ATP2B2: variants seen among roughly 807,000 people sequenced by gnomAD.
The protein encoded by ATP2B2 is ATPase plasma membrane Ca2+ transporting 2.
ATP2B2 carries 15 observed loss-of-function variants against 120.0 expected under a neutral mutation model. That is an observed-to-expected ratio of 0.12 (90% confidence interval 0.08 to 0.19). The LOEUF (loss-of-function observed/expected upper bound fraction) is 0.19, where lower values mean the gene tolerates loss of function less well. Ranked by LOEUF, ATP2B2 falls within the 10% of genes least tolerant of loss-of-function variation. ATP2B2 has a pLI of 1.00. For synonymous variants in ATP2B2, 694 were observed against 700.3 expected, an observed-to-expected ratio of 0.99 and a Z score of 0.14; for missense variants, 1,045 against 1,719.8, an observed-to-expected ratio of 0.61 and a Z score of 6.94.
intron 22 of ATP2B2, among the ~76,000 whole-genome samples, chr3:10,334,014 G>A (rs760470725): frequency 2.6e-5 from 4 of 152,218 alleles, no homozygotes; most frequent in African/African-American, 7.2e-5. Context: ...GTTCCCGGAC[G>A]GGCCCTATTG....
intron 16 of ATP2B2, among the ~76,000 whole-genome samples, chr3:10,348,429 C>G (rs2060487132): frequency 1.3e-5 from 2 of 152,226 alleles, no homozygotes; most frequent in African/African-American, 4.8e-5. Context: ...CTCCCATGTT[C>G]CTGTGCCTGG....
chr3:10,562,457 C>T (rs1244917714), intron 2 of ATP2B2, among the ~76,000 whole-genome samples: 1 of 152,168 alleles, frequency 6.6e-6, no homozygotes. Context: ...TTTTCCCTCA[C>T]TAGTCTATGG....
rs1405755716 is a variant in ATP2B2 at position 10,606,912 on chromosome 3, C to CACACAG, written c.-415+13004_-415+13005insCTGTGT. 5.7e-3 allele frequency among the ~76,000 whole-genome samples: 355 copies of CACACAG among 62,512 alleles called. 2 individuals are homozygous for CACACAG. The highest frequency in any genetic ancestry group is 0.011 in the African/African-American group (228 of 21,024). The allele number at this position is 62,512 out of a possible 152,430, so 41.0% of individuals were successfully genotyped here. On this transcript the variant is annotated intron_variant, in intron 2 of 21. Transcript: ENST00000646379. ...ACACACACACACACACACACACACA[C>CACACAG]AGAGAGAGAGAGAGAGAGAGAGAGA...
chr3:10,593,569 T>G (rs1413287309), intron 2 of ATP2B2, among the ~76,000 whole-genome samples: 1 of 152,140 alleles, frequency 6.6e-6, no homozygotes, highest in East Asian at 1.9e-4. Flanking sequence ...TAATTCAAGA[T>G]GGATTAAAGA....
chr3:10,393,473 C>T (rs1037540280), intron 5 of ATP2B2, among the ~76,000 whole-genome samples: 4 of 152,164 alleles, frequency 2.6e-5, no homozygotes, highest in African/African-American at 9.7e-5. Flanking sequence ...TCAGCCTCAC[C>T]CCATTTCACA....
intron 2 of ATP2B2, among the ~76,000 whole-genome samples, chr3:10,591,171 G>A (rs980139556): frequency 6.6e-6 from 1 of 152,054 alleles, no homozygotes; most frequent in Non-Finnish European, 1.5e-5. Flanking sequence ...ACGTCCCTGA[G>A]GCACTGTAAA....
rs559501578 is a variant in ATP2B2 at position 10,326,015 on chromosome 3, C to T, written c.*2799G>A. 1 of 152,318 alleles carries T rather than the reference C, an allele frequency of 6.6e-6. No individual in the cohort carries two copies. The highest frequency in any genetic ancestry group is 1.9e-4 in the East Asian group (1 of 5,184). The allele number at this position is 152,318 out of a possible 1,614,324, so 9.4% of individuals were successfully genotyped here. Reference sequence around the variant, plus strand: ...AAACCACAAACATTTCAGAACCACACTGCACGAGTCAGAAGAGCCAGCGAT... The same window carrying T: ...AAACCACAAACATTTCAGAACCACATTGCACGAGTCAGAAGAGCCAGCGAT... On this transcript the variant is annotated 3_prime_UTR_variant, in exon 23 of 23. Coordinates refer to ENST00000360273, the MANE Select transcript of ATP2B2 (RefSeq NM_001001331.4).
chr3:10,378,205 G>T (rs765677124), intron 10 of ATP2B2, 47 bp downstream of exon 10: 5 of 1,590,030 alleles, frequency 3.1e-6, no homozygotes, highest in Non-Finnish European at 3.4e-6. Context: ...CTCTGCCTGG[G>T]GTCCCCCTGT....
At chr3:10,564,386 C>T (rs2067966089) in intron 2 of ATP2B2, among the ~76,000 whole-genome samples, 4 of 152,168 alleles carry the variant, frequency 2.6e-5, no homozygotes, top group Admixed American at 2.6e-4. Context: ...CCCTATTCTC[C>T]AGCTAAGTCT....
At chr3:10,504,850 C>T (rs1032962288) in intron 1 of ATP2B2, among the ~76,000 whole-genome samples, 2 of 152,170 alleles carry the variant, frequency 1.3e-5, no homozygotes, top group African/African-American at 2.4e-5. Flanking sequence ...GCCACCCGTT[C>T]CTGCCACCCT....
In ATP2B2 at chr3:10,403,000, C is replaced by G. The variant is rs933404005; in HGVS notation, c.398-652G>C. 6.6e-6 allele frequency among the ~76,000 whole-genome samples: 1 copy of G among 152,076 alleles called. No individual in the cohort carries two copies. Among genetic ancestry groups the G allele is most frequent in the African/African-American group, 2.4e-5 (1 of 41,326 alleles). ...TTTAGGGTCTGAAAAGGCAGTTTGCCGCTGTCCTCTTCTTCTGTTGGAGTC... is the reference window on the plus strand; with the variant it reads ...TTTAGGGTCTGAAAAGGCAGTTTGCGGCTGTCCTCTTCTTCTGTTGGAGTC... On this transcript the variant is annotated intron_variant, in intron 3 of 22. Transcript: ENST00000360273. This position sits in a 1 kb window ranked among gnomAD's most constrained non-coding sequence, Gnocchi z 4.9.
intron 1 of ATP2B2, among the ~76,000 whole-genome samples, chr3:10,703,228 G>A (rs1386507497): frequency 4.6e-5 from 7 of 152,198 alleles, no homozygotes; most frequent in African/African-American, 1.7e-4. Flanking sequence ...CATGGGAAGA[G>A]GGATGGGCTA....
At chr3:10,520,910 C>T (rs2066973036) in intron 3 of ATP2B2, among the ~76,000 whole-genome samples, 1 of 152,170 alleles carries the variant, frequency 6.6e-6, no homozygotes, top group Admixed American at 6.6e-5. Context: ...TATGTCACTG[C>T]AGATAAACTC....
intron 2 of ATP2B2, among the ~76,000 whole-genome samples, chr3:10,435,890 T>C (rs1461164985): frequency 6.6e-6 from 1 of 151,948 alleles, no homozygotes; most frequent in Non-Finnish European, 1.5e-5. Flanking sequence ...AAACTACAGC[T>C]TAAAGAAATT....
chr3:10,532,654 G>T (rs1375030692), intron 3 of ATP2B2, among the ~76,000 whole-genome samples: 1 of 152,208 alleles, frequency 6.6e-6, no homozygotes, highest in African/African-American at 2.4e-5. Context: ...ATAAATATGT[G>T]AGCAATTATG....
rs1161419150 is a variant in ATP2B2 at position 10,610,914 on chromosome 3, G to T, written c.-415+9003C>A. On this transcript the variant is annotated intron_variant, in intron 2 of 21. Transcript: ENST00000646379. ...TGTCAAGCCCAGCAGAGGCTGGAGAGCTTCACTTGGTGACCACACGAGGTT... is the reference window on the plus strand; with the variant it reads ...TGTCAAGCCCAGCAGAGGCTGGAGATCTTCACTTGGTGACCACACGAGGTT... 2.6e-5 allele frequency among the ~76,000 whole-genome samples: 4 copies of T among 152,314 alleles called. No individual in the cohort carries two copies. The East Asian group carries it at 7.7e-4, about 29-fold the overall frequency.
intron 1 of ATP2B2, among the ~76,000 whole-genome samples, chr3:10,645,043 A>G (rs974921721): frequency 6.6e-6 from 1 of 152,168 alleles, no homozygotes; most frequent in African/African-American, 2.4e-5. Context: ...CGTATGTTGA[A>G]TGCAAGTTAT....
chr3:10,476,127 A>G (rs1199538789), intron 1 of ATP2B2, among the ~76,000 whole-genome samples: 1 of 147,950 alleles, frequency 6.8e-6, no homozygotes, highest in Non-Finnish European at 1.5e-5. Flanking sequence ...CAAAATTCGC[A>G]TAATCATATC....
intron 1 of ATP2B2, among the ~76,000 whole-genome samples, chr3:10,502,529 C>A (rs1322492125): frequency 6.6e-6 from 1 of 152,234 alleles, no homozygotes; most frequent in East Asian, 1.9e-4. Context: ...CAGGTCTCTA[C>A]AGAACACGGT....
Sources: allele counts gnomAD v4.1 joint callset (sites outside exome capture counted in the v4.1 genomes callset), GRCh38; gene constraint gnomAD v4.1.1; non-coding constraint Gnocchi (gnomAD v3.1); transcripts MANE v1.5; gene names NCBI Gene and HGNC (gene_info 2026-07-23, HGNC 2026-07-21).